Variants in RELCH observed in about 807,000 individuals in gnomAD.
RELCH encodes the protein RAB11-binding protein RELCH.
A neutral mutation model predicts 150.3 loss-of-function variants in RELCH; 41 were observed. The observed-to-expected ratio is 0.27, with a 90% CI of 0.21 to 0.35. RELCH has a LOEUF of 0.35. RELCH is among the 10% of genes least tolerant of loss of function. RELCH has a pLI of 1.00. For synonymous variants in RELCH, 478 were observed against 531.8 expected, an observed-to-expected ratio of 0.90 and a Z score of 1.39; for missense variants, 1,092 against 1,467.8, an observed-to-expected ratio of 0.74 and a Z score of 4.18.
intron 1 of RELCH, among the ~76,000 whole-genome samples, chr18:62,207,777 AT>A (rs2039904211): frequency 6.6e-6 from 1 of 152,162 alleles, no homozygotes; most frequent in African/African-American, 2.4e-5. Context: ...ATTCCAGAAC[AT>A]TTTTATCACC....
At chr18:62,250,667 T>G (rs1039999933) in intron 11 of RELCH, among the ~76,000 whole-genome samples, 3 of 152,232 alleles carry the variant, frequency 2.0e-5, no homozygotes, top group African/African-American at 4.8e-5. Context: ...CAATGTACAG[T>G]GAAGACACAT....
At chr18:62,233,754 A>G (rs1036388698) in intron 10 of RELCH, among the ~76,000 whole-genome samples, 2 of 151,908 alleles carry the variant, frequency 1.3e-5, no homozygotes, top group Non-Finnish European at 2.9e-5. Context: ...TTTCCTTAAT[A>G]TCATCTTTAG....
At chr18:62,190,388 C>G (rs1201895062) in intron 1 of RELCH, among the ~76,000 whole-genome samples, 1 of 152,112 alleles carries the variant, frequency 6.6e-6, no homozygotes, top group African/African-American at 2.4e-5. Context: ...ACCAGCCTGG[C>G]CAACATGGTG....
At chr18:62,196,325 G>A (rs2039043839) in intron 1 of RELCH, among the ~76,000 whole-genome samples, 1 of 152,062 alleles carries the variant, frequency 6.6e-6, no homozygotes, top group African/African-American at 2.4e-5. Context: ...TGCCTCCTGG[G>A]TTCAAGTGAC....
At chr18:62,243,214 T>C (rs1232954685) in intron 10 of RELCH, among the ~76,000 whole-genome samples, 2 of 152,082 alleles carry the variant, frequency 1.3e-5, no homozygotes, top group Non-Finnish European at 2.9e-5. Context: ...ATTAGGACAG[T>C]CCTTGCTATT....
intron 2 of RELCH, among the ~76,000 whole-genome samples, chr18:62,217,576 G>A (rs1175887416): frequency 2.0e-5 from 3 of 151,942 alleles, no homozygotes. Context: ...AAAGGAAGAT[G>A]ATGAAATCCA....
At chr18:62,293,540 G>A (rs1047266559) in intron 27 of RELCH, among the ~76,000 whole-genome samples, 1 of 152,004 alleles carries the variant, frequency 6.6e-6, no homozygotes. Flanking sequence ...TTATTGTGAT[G>A]TTCATCACAT....
chr18:62,248,287 T>C (rs569041854), intron 11 of RELCH, among the ~76,000 whole-genome samples: 5 of 152,328 alleles, frequency 3.3e-5, no homozygotes, highest in African/African-American at 1.2e-4. Flanking sequence ...CACATTTTAT[T>C]CCAGTCATTT....
rs1391488389 is a variant in RELCH, at chr18:62,308,086, A to G, written c.*2552A>G. 1.3e-5 allele frequency: 2 copies of G among 152,204 alleles called. No homozygotes were observed. Among genetic ancestry groups the G allele is most frequent in the East Asian group, 1.9e-4 (1 of 5,196 alleles). 9.4% of individuals were successfully genotyped at this position (152,204 alleles called of 1,614,324 possible). On this transcript the variant is annotated 3_prime_UTR_variant, in exon 29 of 29. Coordinates refer to ENST00000644646, the MANE Select transcript of RELCH (RefSeq NM_001346231.2). ...ATAGGATATGTCACTACTATACACT[A>G]TAATTCTAATGGGGGTCTCAAGTCA...
At chr18:62,195,340 C>T (rs187424299) in intron 1 of RELCH, among the ~76,000 whole-genome samples, 317 of 148,588 alleles carry the variant, frequency 2.1e-3, no homozygotes, top group Middle Eastern at 0.014. Context: ...CCAGGTGAGC[C>T]AGGATAGCTT....
At chr18:62,299,029 C>G (rs2045546914) in intron 28 of RELCH, among the ~76,000 whole-genome samples, 169 bp downstream of exon 28, 1 of 152,166 alleles carries the variant, frequency 6.6e-6, no homozygotes. Flanking sequence ...CATAAACTAT[C>G]TCATCAGAAT....
chr18:62,196,624 C>G (rs1190926845), intron 1 of RELCH, among the ~76,000 whole-genome samples: 2 of 152,206 alleles, frequency 1.3e-5, no homozygotes, highest in African/African-American at 2.4e-5. Context: ...CTAAATATAT[C>G]TACTGTGTAA....
chr18:62,280,164 C>T (rs1313687172), intron 23 of RELCH, among the ~76,000 whole-genome samples: 14 of 152,150 alleles, frequency 9.2e-5, no homozygotes, highest in Admixed American at 8.5e-4. Context: ...AGAAGGGATG[C>T]TCTCCTAATC....
At position 62,306,209 on chromosome 18, in the gene RELCH, T is replaced by C. The variant is rs1300269013; in HGVS notation, c.*675T>C. ...AGTGCTATTTAAACCTCCCCAGCAC[T>C]TAGATGCATATAATGGACTTACCTG... On this transcript the variant is annotated 3_prime_UTR_variant, in exon 29 of 29. Coordinates refer to ENST00000644646, the MANE Select transcript of RELCH (RefSeq NM_001346231.2). The C allele has an allele frequency of 6.6e-6, 1 of 152,288 alleles. No homozygotes were observed. Among genetic ancestry groups the C allele is most frequent in the African/African-American group, 2.4e-5 (1 of 41,446 alleles). The allele number at this position is 152,288 out of a possible 1,614,324, so 9.4% of individuals were successfully genotyped here.
chr18:62,191,971 G>A (rs1311119494), intron 1 of RELCH, among the ~76,000 whole-genome samples: 3 of 152,228 alleles, frequency 2.0e-5, no homozygotes, highest in Non-Finnish European at 2.9e-5. Flanking sequence ...GAATCACCAC[G>A]CTGTCTTCCA....
At chr18:62,203,829 AAGTT>A (rs2039605313) in intron 1 of RELCH, among the ~76,000 whole-genome samples, 1 of 152,108 alleles carries the variant, frequency 6.6e-6, no homozygotes, top group Non-Finnish European at 1.5e-5. Context: ...AAAAATTAAA[AAGTT>A]AGTCAGCAAT....
At chr18:62,194,682 C>T (rs750905035) in intron 1 of RELCH, among the ~76,000 whole-genome samples, 1 of 152,114 alleles carries the variant, frequency 6.6e-6, no homozygotes, top group Non-Finnish European at 1.5e-5. Flanking sequence ...TTTAGCATGT[C>T]GATTGATACT....
At chr18:62,302,242 A>C (rs1351541866) in intron 28 of RELCH, among the ~76,000 whole-genome samples, 1 of 152,228 alleles carries the variant, frequency 6.6e-6, no homozygotes, top group East Asian at 1.9e-4. Flanking sequence ...AACTATTCTG[A>C]AGAGGAATAT....
At chr18:62,292,081 G>A (rs1457179348) in intron 27 of RELCH, among the ~76,000 whole-genome samples, 2 of 151,716 alleles carry the variant, frequency 1.3e-5, no homozygotes, top group African/African-American at 4.8e-5. Context: ...TTTTCCATCA[G>A]CTTTTCCTTT....
Sources: gnomAD v4.1 joint callset for allele counts (sites outside exome capture counted in the v4.1 genomes callset) on GRCh38, gnomAD v4.1.1 for gene constraint, MANE v1.5 for transcripts, NCBI Gene and HGNC (gene_info 2026-07-23, HGNC 2026-07-21) for gene names.